The following ZNF880 variants were observed in gnomAD, a reference collection of about 807,000 sequenced individuals.
The protein encoded by ZNF880 is zinc finger protein 880, also known as zinc finger protein LOC400713.
Under a neutral mutation model 11.8 loss-of-function variants are expected in ZNF880, and 12 were observed. The ratio of observed to expected loss-of-function variants is 1.02; its 90% confidence interval spans 0.65 to 1.65. ZNF880 has a LOEUF of 1.65. ZNF880 is among the 40% of genes most tolerant of loss of function. ZNF880 has a pLI of 0.00. For synonymous variants in ZNF880, 210 were observed against 232.4 expected, an observed-to-expected ratio of 0.90 and a Z score of 0.88; for missense variants, 601 against 673.9, an observed-to-expected ratio of 0.89 and a Z score of 1.20.
At chr19:52,378,663 A>G (rs933574707) in intron 3 of ZNF880, among the ~76,000 whole-genome samples, 13 of 151,768 alleles carry the variant, frequency 8.6e-5, no homozygotes, top group African/African-American at 1.7e-4. Flanking sequence ...AAAAAAAAAA[A>G]AAAGAAAGAT....
intron 2 of ZNF880, among the ~76,000 whole-genome samples, chr19:52,373,557 C>A (rs1365625215): frequency 6.6e-6 from 1 of 152,088 alleles, no homozygotes; most frequent in Non-Finnish European, 1.5e-5. Context: ...GTGTTATCCA[C>A]CCCTGTGCTT....
At chr19:52,374,277 T>C in intron 2 of ZNF880, 22 bp from the exon 3 acceptor site, 1 of 1,604,124 alleles carries the variant, frequency 6.2e-7, no homozygotes, top group Non-Finnish European at 8.5e-7. Flanking sequence ...ATAGTCTTGA[T>C]ATTCTTTCTT....
At position 52,384,986 on chromosome 19, in the gene ZNF880, G is replaced by A; in HGVS notation, c.1406G>A (p.Cys469Tyr). 6.4e-7 allele frequency: 1 copy of A among 1,566,806 alleles called. No individual in the cohort carries two copies. Among genetic ancestry groups the A allele is most frequent in the East Asian group, 2.4e-5 (1 of 42,448 alleles). ...TGEKPYRCDE[C>Y]GKDFTRNSNL... ...GAGAAACCTTACAGATGTGATGAAT[G>A]TGGCAAGGACTTCACTCGAAATTCA... The change falls in exon 4 of 4, where the codon TGT becomes TAT. Residue 469 changes from cysteine (C) to tyrosine (Y), a missense_variant. Transcript: ENST00000422689.
At chr19:52,368,256 T>C (rs1351116636), upstream of ZNF880, among the ~76,000 whole-genome samples, 1 of 151,750 alleles carries the variant, frequency 6.6e-6, no homozygotes, top group Non-Finnish European at 1.5e-5. Context: ...TTTGTACTTC[T>C]AGTGTTCAGT....
At chr19:52,396,529 G>C in the ZNF880 span, 2 of 152,222 alleles carry the variant, frequency 1.3e-5, no homozygotes, top group African/African-American at 2.4e-5. Context: ...TCAGATCAAA[G>C]AAAAGTTCTT....
rs115603968 is a variant in ZNF880, at chr19:52,385,620, C to T, written c.*306C>T. The T allele has an allele frequency of 1.1e-3, 246 of 233,244 alleles. 31 individuals are homozygous for T. The highest frequency in any genetic ancestry group is 4.8e-3 in the African/African-American group (131 of 27,392). The allele number at this position is 233,244 out of a possible 1,614,324, so 14.4% of individuals were successfully genotyped here. On this transcript the variant is annotated 3_prime_UTR_variant, in exon 4 of 4. Coordinates refer to ENST00000422689, the MANE Select transcript of ZNF880 (RefSeq NM_001145434.2). ...TGGAACATGATAAGATTTACACAAGCGATAATTCAGTCTCTAGTTCTCCAA... is the reference window on the plus strand; with the variant it reads ...TGGAACATGATAAGATTTACACAAGTGATAATTCAGTCTCTAGTTCTCCAA...
intron 3 of ZNF880, among the ~76,000 whole-genome samples, chr19:52,376,527 T>TTTTTTTTTA (rs1986561704): frequency 1.4e-5 from 2 of 138,594 alleles, no homozygotes; most frequent in Admixed American, 7.4e-5. Flanking sequence ...TTTTTTTTTT[T>TTTTTTTTTA]GAGACAGCGT....
In ZNF880 at chr19:52,384,329, A is replaced by G. The variant is rs780943629; in HGVS notation, c.749A>G (p.Asn250Ser). The stretch of plus-strand genomic sequence containing the variant: ...TGTCATGAATGTGGCAAGCTCTTCA[A>G]TCGAATTTCACTCCTTGCACGACAT... ...YKCHECGKLF[N>S]RISLLARHQR... is the part of the protein sequence containing the mutation. Residue 250 changes from asparagine to serine, a missense_variant, in exon 4 of 4, where the codon AAT becomes AGT. By Grantham distance (46) the Asn-to-Ser change is conservative (BLOSUM62 1). Around this residue, in one of 3 missense-constraint regions of ZNF880, gnomAD observed 420 missense variants for 442.6 expected, o/e 0.95. Transcript: ENST00000422689. 4.0e-6 allele frequency: 6 copies of G among 1,488,024 alleles called. No individual in the cohort carries two copies. The highest frequency in any genetic ancestry group is 2.5e-5 in the East Asian group (1 of 39,442). 92.2% of individuals were successfully genotyped at this position (1,488,024 alleles called of 1,614,324 possible).
rs778718471 is a variant in ZNF880, at chr19:52,384,309, T to C, written c.729T>C (p.His243=). 5.6e-6 allele frequency: 9 copies of C among 1,613,762 alleles called. No individual in the cohort carries two copies. Among genetic ancestry groups the C allele is most frequent in the East Asian group, 4.5e-5 (2 of 44,856 alleles). ...CTGGAGAGAAGCCTTACAAGTGTCA[T>C]GAATGTGGCAAGCTCTTCAATCGAA... ...IHTGEKPYKC[H]ECGKLFNRIS... The change falls in exon 4 of 4, where the codon CAT becomes CAC. Residue 243 remains histidine, a synonymous_variant. Coordinates refer to ENST00000422689, the MANE Select transcript of ZNF880 (RefSeq NM_001145434.2).
Position 52,385,452 on chromosome 19 carries a change from C to G in ZNF880, c.*138C>G. 9.8e-7 allele frequency: 1 copy of G among 1,024,476 alleles called. No individual in the cohort carries two copies. Among genetic ancestry groups the G allele is most frequent in the Non-Finnish European group, 1.4e-6 (1 of 718,932 alleles). 63.5% of individuals were successfully genotyped at this position (1,024,476 alleles called of 1,614,324 possible). A position where few individuals can be genotyped will look rare whatever the true frequency, so the allele number is the denominator to read the frequency against. The stretch of plus-strand genomic sequence containing the variant: ...TAGCATTAATCAACATCAGAGATTC[C>G]ATACTAAAGAGAAATCATAGCAATG... On this transcript the variant is annotated 3_prime_UTR_variant, in exon 4 of 4. Coordinates refer to ENST00000422689, the MANE Select transcript of ZNF880 (RefSeq NM_001145434.2).
chr19:52,387,010 T>G (rs1262219405), downstream of ZNF880, among the ~76,000 whole-genome samples: 1 of 140,912 alleles, frequency 7.1e-6, no homozygotes, highest in Non-Finnish European at 1.5e-5. Context: ...TCACATCATT[T>G]CTACCAATTG....
At chr19:52,372,437 G>A (rs1257045506) in intron 1 of ZNF880, among the ~76,000 whole-genome samples, 4 of 148,300 alleles carry the variant, frequency 2.7e-5, no homozygotes, top group South Asian at 2.2e-4. Context: ...ACAGGCGCCC[G>A]CCACTACGCC....
chr19:52,381,620 T>G (rs1228016942), intron 3 of ZNF880, among the ~76,000 whole-genome samples: 1 of 146,962 alleles, frequency 6.8e-6, no homozygotes, highest in Non-Finnish European at 1.5e-5. Context: ...TATTAGATTA[T>G]TATCTGTAGA....
At chr19:52,388,281 A>ATTTTTTTTTTTTTTTTTT (rs1298446341), downstream of ZNF880, among the ~76,000 whole-genome samples, 3 of 38,892 alleles carry the variant, frequency 7.7e-5, no homozygotes, top group African/African-American at 1.8e-4. Flanking sequence ...GGCAATTTGA[A>ATTTTTTTTTTTTTTTTTT]CTTTTTTTTT....
At chr19:52,377,989 A>G (rs1986603086) in intron 3 of ZNF880, among the ~76,000 whole-genome samples, 1 of 152,068 alleles carries the variant, frequency 6.6e-6, no homozygotes, top group South Asian at 2.1e-4. Flanking sequence ...GCTTCATCAC[A>G]TAGGTGTGAT....
At chr19:52,394,634 C>G in the ZNF880 span, among the ~76,000 whole-genome samples, 1 of 152,186 alleles carries the variant, frequency 6.6e-6, no homozygotes, top group Non-Finnish European at 1.5e-5. Context: ...GAATTTTCTA[C>G]ATAAAATCAT....
intron 1 of ZNF880, 151 bp from the exon 2 acceptor site, chr19:52,372,960 G>A: frequency 2.1e-6 from 1 of 475,016 alleles, no homozygotes; most frequent in Non-Finnish European, 3.8e-6. Context: ...TAATGGAGAA[G>A]TATATTAAAA....
chr19:52,372,020 C>T (rs1986387445), intron 1 of ZNF880, among the ~76,000 whole-genome samples: 1 of 151,670 alleles, frequency 6.6e-6, no homozygotes, highest in Non-Finnish European at 1.5e-5. Context: ...GAAAACCTGT[C>T]TCTACTAAAA....
intron 3 of ZNF880, among the ~76,000 whole-genome samples, chr19:52,377,401 G>A (rs1986586772): frequency 6.6e-6 from 1 of 152,124 alleles, no homozygotes; most frequent in East Asian, 1.9e-4. Context: ...CCGAATGGGT[G>A]GGGATTTCTA....
Sources: gnomAD v4.1 joint callset for allele counts (sites outside exome capture counted in the v4.1 genomes callset) on GRCh38, gnomAD v4.1.1 for gene constraint, gnomAD v4.1.1 regional missense constraint, MANE v1.5 for transcripts, NCBI Gene and HGNC (gene_info 2026-07-23, HGNC 2026-07-21) for gene names.